The following CNBD1 variants were observed in gnomAD, a reference collection of about 807,000 sequenced individuals.
CNBD1 encodes the protein cyclic nucleotide binding domain containing 1.
Under a neutral mutation model 54.4 loss-of-function variants are expected in CNBD1, and 71 were observed. The observed-to-expected ratio is 1.30, with a 90% CI of 1.08 to 1.59. CNBD1 has a LOEUF of 1.59. CNBD1 is among the 40% of genes most tolerant of loss of function. CNBD1 has a pLI of 0.00. For missense variants in CNBD1, 659 were observed against 518.0 expected, an observed-to-expected ratio of 1.27 and a Z score of -2.64; for synonymous variants, 182 against 170.7, an observed-to-expected ratio of 1.07 and a Z score of -0.51.
At chr8:87,361,114 C>A (rs1385391289) in intron 10 of CNBD1, among the ~76,000 whole-genome samples, 2 of 151,806 alleles carry the variant, frequency 1.3e-5, no homozygotes, top group African/African-American at 4.8e-5. Flanking sequence ...TGCGTTTTTG[C>A]ATTGTGATTT....
At chr8:86,975,176 C>T (rs944960783) in intron 4 of CNBD1, among the ~76,000 whole-genome samples, 11 of 151,886 alleles carry the variant, frequency 7.2e-5, no homozygotes, top group African/African-American at 7.2e-5. Flanking sequence ...AGCATGTATA[C>T]GTTGTGGAAT....
At chr8:87,188,601 C>T (rs1012240401) in intron 4 of CNBD1, among the ~76,000 whole-genome samples, 4 of 151,740 alleles carry the variant, frequency 2.6e-5, no homozygotes, top group Admixed American at 2.6e-4. Context: ...TAGCAGGTGC[C>T]TGTAATCCCA....
chr8:86,995,597 T>G (rs1193047255), intron 4 of CNBD1, among the ~76,000 whole-genome samples: 1 of 152,072 alleles, frequency 6.6e-6, no homozygotes, highest in East Asian at 1.9e-4. Context: ...ATATACCAGA[T>G]AGAGCAAAGC....
intron 5 of CNBD1, among the ~76,000 whole-genome samples, chr8:87,225,345 G>A (rs968706815): frequency 2.0e-5 from 3 of 151,562 alleles, no homozygotes; most frequent in South Asian, 2.1e-4. Context: ...AATGCTTCCA[G>A]TTTTTGCCCA....
intron 4 of CNBD1, among the ~76,000 whole-genome samples, chr8:86,991,153 A>T (rs1199831618): frequency 6.6e-6 from 1 of 152,126 alleles, no homozygotes; most frequent in Non-Finnish European, 1.5e-5. Context: ...TTCCTTTGGA[A>T]ATTGGATGCC....
chr8:86,961,089 C>T (rs1004220853), intron 4 of CNBD1, among the ~76,000 whole-genome samples: 13 of 152,140 alleles, frequency 8.5e-5, no homozygotes, highest in African/African-American at 3.1e-4. Context: ...TAAAGCTAGC[C>T]TGTTTATATA....
chr8:87,271,808 A>C (rs9886462), intron 6 of CNBD1, among the ~76,000 whole-genome samples: 41,412 of 150,236 alleles, frequency 0.28, 5,964 homozygotes, highest in African/African-American at 0.37. Context: ...CCACACTCCT[A>C]TGCTTATTGC....
intron 4 of CNBD1, among the ~76,000 whole-genome samples, chr8:87,016,813 T>G (rs546423909): frequency 1.8e-4 from 28 of 152,208 alleles, no homozygotes; most frequent in African/African-American, 6.7e-4. Context: ...CATTATAAGG[T>G]CTGTTTGCCC....
chr8:86,883,050 C>G (rs1048044581), intron 1 of CNBD1, among the ~76,000 whole-genome samples: 1 of 151,756 alleles, frequency 6.6e-6, no homozygotes, highest in African/African-American at 2.4e-5. Context: ...AGGATAGGAC[C>G]AGAAAAAATA....
chr8:86,867,334 T>C (rs2131759186), intron 1 of CNBD1, among the ~76,000 whole-genome samples: 1 of 152,306 alleles, frequency 6.6e-6, no homozygotes, highest in Non-Finnish European at 1.5e-5. Context: ...CTTGTGATCC[T>C]TTTCAACTTC....
chr8:87,385,831 C>A (rs1240374978), downstream of CNBD1, among the ~76,000 whole-genome samples: 6 of 152,136 alleles, frequency 3.9e-5, no homozygotes, highest in Non-Finnish European at 1.5e-5. Context: ...CAAGTGGGTC[C>A]CTGACCCCCG....
intron 8 of CNBD1, among the ~76,000 whole-genome samples, chr8:87,310,531 C>G (rs991470447): frequency 1.3e-5 from 2 of 152,232 alleles, no homozygotes; most frequent in Admixed American, 1.3e-4. Flanking sequence ...TTGGAAGAAT[C>G]AGTATTGTTA....
At chr8:87,129,361 A>G (rs1441705931) in intron 4 of CNBD1, among the ~76,000 whole-genome samples, 1 of 152,114 alleles carries the variant, frequency 6.6e-6, no homozygotes, top group African/African-American at 2.4e-5. Context: ...ATGTGTATCT[A>G]TCTACCTATT....
chr8:87,151,222 C>T (rs867068791), intron 4 of CNBD1, among the ~76,000 whole-genome samples: 2 of 152,166 alleles, frequency 1.3e-5, no homozygotes, highest in Non-Finnish European at 2.9e-5. Context: ...CCAGGAGCAT[C>T]CTTTGACCCA....
intron 6 of CNBD1, among the ~76,000 whole-genome samples, chr8:87,265,428 A>G (rs929074662): frequency 6.6e-5 from 10 of 152,172 alleles, no homozygotes; most frequent in South Asian, 2.1e-4. Context: ...TTGAAGTCAG[A>G]TAGCGTGATG....
intron 5 of CNBD1, among the ~76,000 whole-genome samples, chr8:87,228,758 G>T (rs1044974520): frequency 5.3e-5 from 8 of 151,996 alleles, no homozygotes; most frequent in Non-Finnish European, 1.0e-4. Context: ...TTGAGCTGTG[G>T]TGGGCTCCAC....
chr8:87,406,727 C>T (rs1807659847), intron 2 of CNBD1, among the ~76,000 whole-genome samples: 1 of 152,016 alleles, frequency 6.6e-6, no homozygotes, highest in Non-Finnish European at 1.5e-5. Context: ...ATCTGCCAGC[C>T]TTGGCCTCCC....
chr8:87,136,563 A>G, intron 4 of CNBD1, among the ~76,000 whole-genome samples: 1 of 101,352 alleles, frequency 9.9e-6, no homozygotes, highest in Non-Finnish European at 1.8e-5. Flanking sequence ...TATAAATTAT[A>G]TATTATATTT....
downstream of CNBD1, among the ~76,000 whole-genome samples, chr8:87,385,413 C>T (rs183015529): frequency 3.8e-3 from 582 of 152,088 alleles, 8 homozygotes; most frequent in African/African-American, 0.013. Context: ...CGGGTCACTG[C>T]CACCCTAATA....
Sources: allele counts gnomAD v4.1 joint callset (sites outside exome capture counted in the v4.1 genomes callset), GRCh38; gene constraint gnomAD v4.1.1; transcripts MANE v1.5; gene names NCBI Gene and HGNC (gene_info 2026-07-23, HGNC 2026-07-21).